The following CSMD1 variants were observed in gnomAD, a reference collection of about 807,000 sequenced individuals.
CSMD1 encodes CUB and sushi domain-containing protein 1.
In CSMD1, 213 loss-of-function variants were observed where a neutral mutation model predicts 417.5. That is an observed-to-expected ratio of 0.51 (90% CI 0.46 to 0.57). CSMD1 has a LOEUF of 0.57. Among genes scored for constraint, CSMD1 ranks in the 20% least tolerant of loss-of-function variants. The pLI, the probability that CSMD1 is intolerant of heterozygous loss-of-function variation, is 0.00. For synonymous variants in CSMD1, 2,862 were observed against 1,736.8 expected (o/e 1.65, Z -16.11); for missense variants, 6,923 against 4,529.7 (o/e 1.53, Z -15.17).
At chr8:3,841,350 T>G (rs78891493) in intron 5 of CSMD1, among the ~76,000 whole-genome samples, 2,109 of 152,312 alleles carry the variant, frequency 0.014, 23 homozygotes, top group Non-Finnish European at 0.021. Context: ...TTGGACTTCT[T>G]TAACCATGCT....
intron 6 of CSMD1, among the ~76,000 whole-genome samples, chr8:3,717,344 T>C (rs749191883): frequency 9.2e-5 from 14 of 152,222 alleles, no homozygotes; most frequent in South Asian, 2.1e-4. Flanking sequence ...TGATTAAACA[T>C]CTATTAATAT....
intron 3 of CSMD1, among the ~76,000 whole-genome samples, chr8:4,288,246 A>G (rs1797169036): frequency 6.6e-6 from 1 of 152,238 alleles, no homozygotes. Context: ...GGGTGCCTTC[A>G]TGAGTTTCTG....
intron 4 of CSMD1, among the ~76,000 whole-genome samples, chr8:4,024,411 C>T (rs1796954667): frequency 6.6e-6 from 1 of 152,066 alleles, no homozygotes; most frequent in African/African-American, 2.4e-5. Context: ...CATGGGAAAA[C>T]TTTATTATTA....
intron 26 of CSMD1, among the ~76,000 whole-genome samples, chr8:3,283,780 A>C (rs1802924475): frequency 6.6e-6 from 1 of 152,242 alleles, no homozygotes; most frequent in Non-Finnish European, 1.5e-5. Flanking sequence ...CCCGTTTATC[A>C]CCACTAAATT....
chr8:4,682,575 A>G lies in CSMD1; in HGVS notation c.86-45017T>C, dbSNP rs568910014. ...TTGTTTTAAAAACAGATAAGATAAT[A>G]CATAAATGTATGATGCAGTCTGAAC... On this transcript the variant is annotated intron_variant, in intron 1 of 69. Transcript: ENST00000635120. Among the ~76,000 whole-genome samples the G allele has an allele frequency of 7.2e-5, 11 of 152,284 alleles. No homozygotes were observed. The South Asian group carries it at 2.3e-3, about 32-fold the overall frequency.
chr8:4,490,934 G>GA (rs1156960294), intron 2 of CSMD1, among the ~76,000 whole-genome samples: 3 of 152,226 alleles, frequency 2.0e-5, no homozygotes, highest in Non-Finnish European at 4.4e-5. Context: ...GTGGATAAGG[G>GA]AGAGTTTTAG....
chr8:3,201,534 C>A, intron 32 of CSMD1, 78 bp downstream of exon 32: 5 of 673,200 alleles, frequency 7.4e-6, no homozygotes, highest in Non-Finnish European at 9.5e-6. Flanking sequence ...CAAAACAAAG[C>A]AAAAGAAACA....
At chr8:3,444,549 C>G (rs28400437) in intron 12 of CSMD1, among the ~76,000 whole-genome samples, 1 of 152,024 alleles carries the variant, frequency 6.6e-6, no homozygotes, top group African/African-American at 2.4e-5. Context: ...TTGGTATTTG[C>G]ACACTGAGGG....
At chr8:3,595,785 C>T (rs1012458755) in intron 8 of CSMD1, among the ~76,000 whole-genome samples, 2 of 152,154 alleles carry the variant, frequency 1.3e-5, no homozygotes, top group East Asian at 3.9e-4. Flanking sequence ...CTTTGTCATG[C>T]GAAGTAGAAA....
intron 3 of CSMD1, among the ~76,000 whole-genome samples, chr8:4,239,491 G>C (rs1442851826): frequency 6.6e-6 from 1 of 152,138 alleles, no homozygotes; most frequent in African/African-American, 2.4e-5. Context: ...CAGATCAGCT[G>C]CCCCACCCCA....
chr8:4,361,454 C>T (rs1252740343), intron 3 of CSMD1, among the ~76,000 whole-genome samples: 1 of 150,360 alleles, frequency 6.7e-6, no homozygotes, highest in East Asian at 1.9e-4. Context: ...ATCTTCATTA[C>T]AGCCTAATAA....
intron 6 of CSMD1, among the ~76,000 whole-genome samples, chr8:3,740,502 G>C (rs1254163267): frequency 6.6e-6 from 1 of 152,182 alleles, no homozygotes; most frequent in African/African-American, 2.4e-5. Flanking sequence ...AATACTCAGA[G>C]GAGGGTTCAC....
intron 7 of CSMD1, among the ~76,000 whole-genome samples, chr8:3,686,737 A>C (rs1350990339): frequency 6.6e-6 from 1 of 152,186 alleles, no homozygotes; most frequent in East Asian, 1.9e-4. Flanking sequence ...ACGTTTCACA[A>C]GCAAATATTC....
intron 2 of CSMD1, among the ~76,000 whole-genome samples, chr8:4,569,151 G>T (rs899262785): frequency 6.6e-6 from 1 of 152,154 alleles, no homozygotes; most frequent in South Asian, 2.1e-4. Context: ...ATTTCAATTA[G>T]ATTCCATCTG....
At chr8:3,617,583 T>C (rs755775924) in intron 7 of CSMD1, among the ~76,000 whole-genome samples, 1 of 152,340 alleles carries the variant, frequency 6.6e-6, no homozygotes, top group South Asian at 2.1e-4. Context: ...AGGATGCTAA[T>C]AAAGTGCATA....
At chr8:4,370,664 T>A (rs547777594) in intron 3 of CSMD1, among the ~76,000 whole-genome samples, 1 of 152,340 alleles carries the variant, frequency 6.6e-6, no homozygotes, top group East Asian at 1.9e-4. Context: ...TATGCTCACG[T>A]TGCTTCAAAG....
Position 3,387,720 on chromosome 8 carries a change from T to C in CSMD1, c.2594-38A>G, listed in dbSNP as rs576332355. The C allele has an allele frequency of 2.0e-4, 308 of 1,525,456 alleles. 3 individuals are homozygous for C. The East Asian group carries it at 7.0e-3, about 35-fold the overall frequency. The allele number at this position is 1,525,456 out of a possible 1,614,324, so 94.5% of individuals were successfully genotyped here. ...AACGAATGCAGTCGATGAGGATCTT[T>C]CTGGTTGATTGAAAATAATAGAGAC... On this transcript the variant is annotated intron_variant, in intron 17 of 69. Transcript: ENST00000635120.
At chr8:4,090,710 T>G (rs550315391) in intron 3 of CSMD1, among the ~76,000 whole-genome samples, 1 of 152,234 alleles carries the variant, frequency 6.6e-6, no homozygotes, top group South Asian at 2.1e-4. Flanking sequence ...TCTAGTGGAG[T>G]TTTAAATCAA....
intron 5 of CSMD1, among the ~76,000 whole-genome samples, chr8:3,927,396 G>C (rs1205128507): frequency 6.6e-6 from 1 of 151,980 alleles, no homozygotes; most frequent in Non-Finnish European, 1.5e-5. Context: ...GCCAGACACA[G>C]TGGCTCCTAC....
Sources: allele counts gnomAD v4.1 joint callset (sites outside exome capture counted in the v4.1 genomes callset), GRCh38; gene constraint gnomAD v4.1.1; transcripts MANE v1.5; gene names NCBI Gene and HGNC (gene_info 2026-07-23, HGNC 2026-07-21).